LINGO2: variants seen among roughly 807,000 people sequenced by gnomAD.
LINGO2 encodes leucine-rich repeat and immunoglobulin-like domain-containing nogo receptor-interacting protein 2.
LINGO2 carries 14 observed loss-of-function variants against 30.6 expected under a neutral mutation model. That is an observed-to-expected ratio of 0.46 (90% CI 0.30 to 0.72). The LOEUF (loss-of-function observed/expected upper bound fraction) is 0.72. LINGO2 is among the 30% of genes least tolerant of loss of function. The pLI is 0.07. For synonymous variants in LINGO2, 317 were observed against 288.5 expected (o/e 1.10, Z -1.00); for missense variants, 729 against 751.7 (o/e 0.97, Z 0.35).
chr9:28,632,125 G>T (rs529140127), intron 1 of LINGO2, among the ~76,000 whole-genome samples: 1 of 152,184 alleles, frequency 6.6e-6, no homozygotes, highest in Admixed American at 6.5e-5. Flanking sequence ...GTCTTAATAG[G>T]AGTTAATCAA....
At chr9:28,905,142 A>G in the LINGO2 span, among the ~76,000 whole-genome samples, 1 of 152,012 alleles carries the variant, frequency 6.6e-6, no homozygotes, top group Non-Finnish European at 1.5e-5. Flanking sequence ...TGGAGTAAAG[A>G]TTTTAATTTA....
the LINGO2 span, among the ~76,000 whole-genome samples, chr9:28,941,756 A>G: frequency 6.6e-6 from 1 of 152,116 alleles, no homozygotes; most frequent in South Asian, 2.1e-4. Flanking sequence ...GGGTTACTAT[A>G]TATTTTATTT....
intron 1 of LINGO2, among the ~76,000 whole-genome samples, chr9:28,557,930 T>G (rs1414677931): frequency 2.1e-5 from 3 of 142,906 alleles, no homozygotes; most frequent in East Asian, 2.1e-4. Context: ...CTCACTCATA[T>G]GTGGGAATTG....
At chr9:28,932,446 T>A in the LINGO2 span, among the ~76,000 whole-genome samples, 64 of 152,312 alleles carry the variant, frequency 4.2e-4, no homozygotes, top group Admixed American at 1.2e-3. Context: ...CAGTCCATCA[T>A]CAGGAACCAT....
the LINGO2 span, among the ~76,000 whole-genome samples, chr9:28,715,795 T>C: frequency 6.6e-6 from 1 of 151,972 alleles, no homozygotes; most frequent in Non-Finnish European, 1.5e-5. Context: ...GAAGAATAAC[T>C]TAGAAGAAAG....
the LINGO2 span, among the ~76,000 whole-genome samples, chr9:28,738,741 AAAGT>A: frequency 3.3e-5 from 5 of 152,140 alleles, no homozygotes; most frequent in African/African-American, 4.8e-5. Context: ...GGGAGATTTA[AAAGT>A]AAGAAATCTT....
chr9:28,481,387 A>T (rs971985091), intron 1 of LINGO2, among the ~76,000 whole-genome samples: 1 of 152,110 alleles, frequency 6.6e-6, no homozygotes, highest in Non-Finnish European at 1.5e-5. Context: ...TATACGCACC[A>T]AAATTTATTT....
chr9:29,188,310 T>G, the LINGO2 span, among the ~76,000 whole-genome samples: 6 of 151,156 alleles, frequency 4.0e-5, no homozygotes, highest in South Asian at 2.1e-4. Context: ...ACACAGCACA[T>G]GTTTCAGAGA....
the LINGO2 span, among the ~76,000 whole-genome samples, chr9:28,887,656 A>T: frequency 6.6e-6 from 1 of 152,138 alleles, no homozygotes; most frequent in African/African-American, 2.4e-5. Flanking sequence ...CAGCAGTGTG[A>T]TCACACAGAC....
At chr9:28,096,479 ACTT>A (rs1368836447) in intron 4 of LINGO2, among the ~76,000 whole-genome samples, 2 of 152,216 alleles carry the variant, frequency 1.3e-5, no homozygotes, top group East Asian at 1.9e-4. Flanking sequence ...TACTTATGTC[ACTT>A]CTTCTCACAA....
intron 4 of LINGO2, among the ~76,000 whole-genome samples, chr9:28,018,618 A>T (rs1822959010): frequency 6.6e-6 from 1 of 152,220 alleles, no homozygotes; most frequent in South Asian, 2.1e-4. Flanking sequence ...TCACTGGGGA[A>T]ATGCAAATAC....
chr9:28,679,710 C>T, the LINGO2 span, among the ~76,000 whole-genome samples: 1 of 151,874 alleles, frequency 6.6e-6, no homozygotes, highest in Admixed American at 6.6e-5. Context: ...GAGATAAAAA[C>T]ATGAAAAGAA....
At chr9:28,306,662 C>A (rs1172316478) in intron 3 of LINGO2, among the ~76,000 whole-genome samples, 4 of 151,994 alleles carry the variant, frequency 2.6e-5, no homozygotes, top group African/African-American at 7.2e-5. Context: ...AAAGGATCAA[C>A]AAAATTGATA....
chr9:28,619,066 C>G (rs1221087114), intron 1 of LINGO2, among the ~76,000 whole-genome samples: 1 of 152,048 alleles, frequency 6.6e-6, no homozygotes, highest in Non-Finnish European at 1.5e-5. Context: ...CAAAGGACTT[C>G]TTATTGAGTA....
chr9:28,791,647 C>A, the LINGO2 span, among the ~76,000 whole-genome samples: 1 of 151,700 alleles, frequency 6.6e-6, no homozygotes, highest in African/African-American at 2.4e-5. Flanking sequence ...GAAATGAGAG[C>A]TGAAATAAAA....
chr9:29,185,288 G>A, the LINGO2 span, among the ~76,000 whole-genome samples: 1 of 152,058 alleles, frequency 6.6e-6, no homozygotes, highest in African/African-American at 2.4e-5. Flanking sequence ...GTACTCTATG[G>A]AACAAAGTAA....
chr9:28,547,443 C>G (rs1023632387), intron 1 of LINGO2, among the ~76,000 whole-genome samples: 4 of 152,050 alleles, frequency 2.6e-5, no homozygotes, highest in African/African-American at 9.7e-5. Context: ...GGAAAAACTG[C>G]CATTAACTAG....
chr9:28,710,032 T>C, the LINGO2 span, among the ~76,000 whole-genome samples: 2 of 151,426 alleles, frequency 1.3e-5, no homozygotes, highest in South Asian at 2.1e-4. Context: ...AACTGAAATA[T>C]ACATCTCGGA....
At chr9:28,268,050 T>C (rs1456540322) in intron 4 of LINGO2, among the ~76,000 whole-genome samples, 1 of 152,096 alleles carries the variant, frequency 6.6e-6, no homozygotes, top group African/African-American at 2.4e-5. Context: ...TAAAGGTCAA[T>C]ATCAGAGTTA....
Sources: allele counts gnomAD v4.1 joint callset (sites outside exome capture counted in the v4.1 genomes callset), GRCh38; gene constraint gnomAD v4.1.1; transcripts MANE v1.5; gene names NCBI Gene and HGNC (gene_info 2026-07-23, HGNC 2026-07-21).